Variants in IPMK observed in about 807,000 individuals in gnomAD.
IPMK encodes the protein inositol polyphosphate multikinase.
In IPMK, 17 loss-of-function variants were observed where a neutral mutation model predicts 45.8. That is an observed-to-expected ratio of 0.37 (90% CI 0.25 to 0.56). IPMK has a LOEUF of 0.56. IPMK is among the 20% of genes least tolerant of loss of function. The probability of loss-of-function intolerance (pLI) is 0.79; values close to 1 mark genes in which losing one functional copy is unlikely to be tolerated. For missense variants in IPMK, 399 were observed against 498.0 expected, an observed-to-expected ratio of 0.80 and a Z score of 1.89; for synonymous variants, 180 against 184.3, an observed-to-expected ratio of 0.98 and a Z score of 0.19.
At chr10:58,197,509 G>A (rs983647271) in intron 5 of IPMK, among the ~76,000 whole-genome samples, 2 of 151,522 alleles carry the variant, frequency 1.3e-5, no homozygotes, top group African/African-American at 4.8e-5. Context: ...AATTAGCTGG[G>A]CATGGTGGCG....
At chr10:58,244,414 C>T (rs1433860154) in intron 1 of IPMK, among the ~76,000 whole-genome samples, 10 of 148,540 alleles carry the variant, frequency 6.7e-5, no homozygotes, top group African/African-American at 2.2e-4. Flanking sequence ...AGGTGGGGAG[C>T]GCCTCCGCCC....
chr10:58,212,311 G>A (rs763914306), intron 4 of IPMK, among the ~76,000 whole-genome samples: 2 of 152,114 alleles, frequency 1.3e-5, no homozygotes, highest in Non-Finnish European at 2.9e-5. Flanking sequence ...TAAAGTAAAA[G>A]GTATTCTATC....
intron 3 of IPMK, among the ~76,000 whole-genome samples, chr10:58,218,021 A>G (rs1461640923): frequency 1.3e-5 from 2 of 152,306 alleles, no homozygotes; most frequent in Middle Eastern, 3.4e-3. Context: ...CCTCAGATTT[A>G]AAAGGAATAA....
chr10:58,230,071 G>A (rs1838488784), intron 2 of IPMK, among the ~76,000 whole-genome samples: 2 of 152,214 alleles, frequency 1.3e-5, no homozygotes, highest in Admixed American at 6.5e-5. Context: ...GCAGCAGTCT[G>A]AGATCGAACT....
At chr10:58,199,159 C>A in intron 5 of IPMK, 81 bp downstream of exon 5, 2 of 788,372 alleles carry the variant, frequency 2.5e-6, no homozygotes, top group East Asian at 5.6e-5. Context: ...AATCACTTTT[C>A]CAAATGACAA....
chr10:58,201,999 AGCT>A (rs1176069597), intron 4 of IPMK, among the ~76,000 whole-genome samples: 2 of 152,216 alleles, frequency 1.3e-5, no homozygotes, highest in African/African-American at 2.4e-5. Flanking sequence ...ACCATGAGGA[AGCT>A]GCGAAAGAAA....
intron 1 of IPMK, among the ~76,000 whole-genome samples, chr10:58,260,784 T>C (rs1333032532): frequency 2.0e-5 from 3 of 152,016 alleles, no homozygotes; most frequent in Admixed American, 6.5e-5. Flanking sequence ...AAGGACTAAA[T>C]AGAGAGATAT....
chr10:58,204,983 T>A (rs2440855), intron 4 of IPMK, among the ~76,000 whole-genome samples: 51,433 of 151,910 alleles, frequency 0.34, 10,951 homozygotes, highest in African/African-American at 0.61. Context: ...ACTGGGGGAA[T>A]AACAGTCCTA....
intron 1 of IPMK, among the ~76,000 whole-genome samples, chr10:58,256,687 T>C (rs535682582): frequency 9.9e-5 from 15 of 152,276 alleles, no homozygotes; most frequent in African/African-American, 3.4e-4. Flanking sequence ...TCACAGAACC[T>C]GCCGACATGT....
chr10:58,234,569 G>A (rs1191829852), intron 2 of IPMK, among the ~76,000 whole-genome samples: 2 of 152,150 alleles, frequency 1.3e-5, no homozygotes, highest in East Asian at 3.8e-4. Flanking sequence ...ATGGGGAAAG[G>A]ATTCCCTATT....
At chr10:58,241,937 C>A (rs959341752) in intron 1 of IPMK, among the ~76,000 whole-genome samples, 8 of 151,672 alleles carry the variant, frequency 5.3e-5, no homozygotes, top group African/African-American at 1.9e-4. Flanking sequence ...TATCTCAACT[C>A]CTCATTAGAT....
intron 2 of IPMK, among the ~76,000 whole-genome samples, chr10:58,237,270 C>T (rs939233374): frequency 2.0e-5 from 3 of 152,114 alleles, no homozygotes; most frequent in African/African-American, 7.2e-5. Context: ...TAGCTCCCTC[C>T]TTAACAGGTC....
rs1454534887 is a variant in IPMK, at chr10:58,195,084, T to C, written c.*992A>G. ...TTGATAACAACCTAATTAGATATTG[T>C]CTTTCATTGCTTACTATAATTCTGA... On this transcript the variant is annotated 3_prime_UTR_variant, in exon 6 of 6. Coordinates refer to ENST00000373935, the MANE Select transcript of IPMK (RefSeq NM_152230.5). The C allele has an allele frequency of 1.3e-5, 2 of 152,044 alleles. No homozygotes were observed. The highest frequency in any genetic ancestry group is 3.8e-4 in the East Asian group (2 of 5,200). 9.4% of individuals were successfully genotyped at this position (152,044 alleles called of 1,614,324 possible).
intron 1 of IPMK, among the ~76,000 whole-genome samples, chr10:58,259,711 A>G (rs923542889): frequency 6.8e-6 from 1 of 147,058 alleles, no homozygotes; most frequent in African/African-American, 2.6e-5. Context: ...ATGGTGGTGC[A>G]TGCCTATAGT....
chr10:58,238,825 T>C lies in IPMK; in HGVS notation c.191-1011A>G, dbSNP rs139737114. Among the ~76,000 whole-genome samples the C allele has an allele frequency of 7.9e-5, 12 of 151,732 alleles. No individual in the cohort carries two copies. In the South Asian group the frequency reaches 8.3e-4, roughly 10 times the overall value. On this transcript the variant is annotated intron_variant, in intron 1 of 5. Coordinates refer to ENST00000373935, the MANE Select transcript of IPMK (RefSeq NM_152230.5). ...AACAGAAGCAGAAAGTCTCAAGAGA[T>C]ACAGAAATCAAGTTTGTTTTTTGTT... is the stretch of plus-strand genomic sequence containing the variant.
At chr10:58,236,326 G>A (rs999603983) in intron 2 of IPMK, among the ~76,000 whole-genome samples, 16 of 152,070 alleles carry the variant, frequency 1.1e-4, no homozygotes, top group Admixed American at 6.6e-4. Flanking sequence ...ATCAAAAGCA[G>A]ATAAAGATAA....
At chr10:58,217,204 GT>G (rs1838257057) in intron 3 of IPMK, among the ~76,000 whole-genome samples, 1 of 122,642 alleles carries the variant, frequency 8.2e-6, no homozygotes, top group South Asian at 2.6e-4. Context: ...CCCAAAAGTT[GT>G]TCTGTATATC....
intron 2 of IPMK, among the ~76,000 whole-genome samples, chr10:58,236,127 C>T (rs1838609204): frequency 6.6e-6 from 1 of 151,236 alleles, no homozygotes; most frequent in Non-Finnish European, 1.5e-5. Context: ...GACGGGGTTT[C>T]ACCATGTTGA....
Position 58,227,031 on chromosome 10 carries a change from T to G in IPMK, c.373+12A>C. ...AATTAAAACTGAAAGATAATTTTTA[T>G]GACAAGATTACCGTTTGGTGCAGTG... On this transcript the variant is annotated intron_variant, in intron 3 of 5. Coordinates refer to ENST00000373935, the MANE Select transcript of IPMK (RefSeq NM_152230.5). The G allele has an allele frequency of 1.3e-6, 2 of 1,567,102 alleles. No homozygotes were observed. Among genetic ancestry groups the G allele is most frequent in the Non-Finnish European group, 8.8e-7 (1 of 1,141,180 alleles).
Sources: gnomAD v4.1 joint callset for allele counts (sites outside exome capture counted in the v4.1 genomes callset) on GRCh38, gnomAD v4.1.1 for gene constraint, MANE v1.5 for transcripts, NCBI Gene and HGNC (gene_info 2026-07-23, HGNC 2026-07-21) for gene names.